Variants in ADGRB3 observed in about 807,000 individuals in gnomAD.
ADGRB3 encodes the protein adhesion G protein-coupled receptor B3.
In ADGRB3, 37 loss-of-function variants were observed where a neutral mutation model predicts 193.4. That is an observed-to-expected ratio of 0.19 (90% CI 0.15 to 0.25). The LOEUF is 0.25. ADGRB3 is among the 10% of genes least tolerant of loss of function. The probability of loss-of-function intolerance (pLI) is 1.00; values close to 1 mark genes in which losing one functional copy is unlikely to be tolerated. For synonymous variants in ADGRB3, 690 were observed against 644.2 expected (o/e 1.07, Z -1.08); for missense variants, 1,637 against 1,852.9 (o/e 0.88, Z 2.14).
At chr6:68,766,367 T>G (rs1485244247) in intron 3 of ADGRB3, among the ~76,000 whole-genome samples, 1 of 151,958 alleles carries the variant, frequency 6.6e-6, no homozygotes, top group African/African-American at 2.4e-5. Context: ...TATGAACTTT[T>G]TCAAGGACCA....
intron 3 of ADGRB3, among the ~76,000 whole-genome samples, chr6:68,659,336 A>G (rs563718921): frequency 2.7e-5 from 4 of 150,940 alleles, no homozygotes; most frequent in African/African-American, 4.8e-5. Flanking sequence ...TTCTAAAAAA[A>G]AAAGACAATT....
At chr6:69,376,582 T>A (rs1395262792) in intron 30 of ADGRB3, among the ~76,000 whole-genome samples, 2 of 151,840 alleles carry the variant, frequency 1.3e-5, no homozygotes, top group Non-Finnish European at 2.9e-5. Flanking sequence ...ACAAGGAGAT[T>A]TGGGGGATAA....
At chr6:68,915,306 T>A (rs1429159037) in intron 3 of ADGRB3, among the ~76,000 whole-genome samples, 4 of 114,622 alleles carry the variant, frequency 3.5e-5, no homozygotes, top group Non-Finnish European at 7.7e-5. Context: ...AGTTAGGCAC[T>A]TAAATAAAGT....
chr6:69,040,695 A>AAAAC (rs1771034691), intron 13 of ADGRB3, among the ~76,000 whole-genome samples: 1 of 145,900 alleles, frequency 6.9e-6, no homozygotes, highest in Non-Finnish European at 1.5e-5. Flanking sequence ...AAAAAAAAAA[A>AAAAC]AAAAAAAAAA....
chr6:69,338,707 T>C (rs1439677910), intron 24 of ADGRB3, among the ~76,000 whole-genome samples: 2 of 152,240 alleles, frequency 1.3e-5, no homozygotes, highest in African/African-American at 4.8e-5. Flanking sequence ...AAATATGTTT[T>C]GCATGCAACA....
At chr6:68,998,811 C>T (rs149826467) in intron 11 of ADGRB3, among the ~76,000 whole-genome samples, 149 of 152,280 alleles carry the variant, frequency 9.8e-4, no homozygotes, top group Non-Finnish European at 1.7e-3. Context: ...AGCTGTACCC[C>T]GAAGAGGTGG....
chr6:68,642,733 T>TG (rs1749831814), intron 3 of ADGRB3, among the ~76,000 whole-genome samples: 1 of 151,942 alleles, frequency 6.6e-6, no homozygotes, highest in African/African-American at 2.4e-5. Context: ...GAAGCCTTTT[T>TG]TTTTTTTCCA....
At chr6:68,744,995 A>C (rs1766055762) in intron 3 of ADGRB3, among the ~76,000 whole-genome samples, 2 of 152,196 alleles carry the variant, frequency 1.3e-5, no homozygotes, top group African/African-American at 2.4e-5. Flanking sequence ...ACAATAAAAA[A>C]GATGGAAAGT....
intron 3 of ADGRB3, among the ~76,000 whole-genome samples, chr6:68,850,238 T>G (rs905400474): frequency 2.0e-5 from 3 of 151,938 alleles, no homozygotes; most frequent in African/African-American, 4.8e-5. Context: ...TATCTTTTAA[T>G]TGGACATACT....
intron 20 of ADGRB3, among the ~76,000 whole-genome samples, chr6:69,268,478 C>T (rs1036369418): frequency 6.6e-6 from 1 of 152,106 alleles, no homozygotes; most frequent in Non-Finnish European, 1.5e-5. Context: ...TAAGCAATCA[C>T]CGCTTTGACA....
At chr6:68,930,489 A>C (rs1279686308) in intron 3 of ADGRB3, 70 bp from the exon 4 acceptor site, 2 of 1,034,640 alleles carry the variant, frequency 1.9e-6, no homozygotes, top group Non-Finnish European at 2.9e-6. Context: ...AACATATTGC[A>C]TGAGACAGTA....
At chr6:68,709,032 G>T (rs1765369725) in intron 3 of ADGRB3, among the ~76,000 whole-genome samples, 1 of 152,106 alleles carries the variant, frequency 6.6e-6, no homozygotes, top group African/African-American at 2.4e-5. Context: ...TGTTTAAAAT[G>T]CGGGTTGTTC....
Position 69,339,359 on chromosome 6 carries a change from T to C in ADGRB3, c.3314T>C (p.Val1105Ala), listed in dbSNP as rs1264271911. The part of the protein sequence containing the change: ...AMASLWSSCV[V>A]LPLLALTWMS... ...GCGTCTCTTTGGAGCTCCTGTGTGG[T>C]GTTGCCCCTTCTGGCTTTGACGTGG... Residue 1105 changes from valine to alanine, a missense_variant, in exon 26 of 32, where the codon GTG (valine) becomes GCG (alanine). Around this residue, in one of 7 missense-constraint regions of ADGRB3, gnomAD observed 116 missense variants for 168.1 expected, o/e 0.69. Coordinates refer to ENST00000370598, the MANE Select transcript of ADGRB3 (RefSeq NM_001704.3). 1 of 1,613,968 alleles carries C rather than the reference T, an allele frequency of 6.2e-7. No individual in the cohort carries two copies. Among genetic ancestry groups the C allele is most frequent in the Non-Finnish European group, 8.5e-7 (1 of 1,179,898 alleles).
chr6:69,339,271 G>T, intron 25 of ADGRB3, 62 bp from the exon 26 acceptor site: 1 of 1,554,568 alleles, frequency 6.4e-7, no homozygotes, highest in Non-Finnish European at 8.7e-7. Flanking sequence ...TTGAATGGGG[G>T]TTTGGCTATG....
chr6:69,121,295 A>G (rs953169486), intron 17 of ADGRB3, among the ~76,000 whole-genome samples: 1 of 152,156 alleles, frequency 6.6e-6, no homozygotes, highest in African/African-American at 2.4e-5. Context: ...TTGACACAGC[A>G]CATGTTTCAG....
intron 3 of ADGRB3, among the ~76,000 whole-genome samples, chr6:68,759,267 T>A (rs1766351095): frequency 6.6e-6 from 1 of 152,162 alleles, no homozygotes; most frequent in African/African-American, 2.4e-5. Context: ...TATTTTTCCA[T>A]ATATTTGAGG....
intron 3 of ADGRB3, among the ~76,000 whole-genome samples, chr6:68,751,764 G>T (rs1582172121): frequency 6.6e-6 from 1 of 152,062 alleles, no homozygotes. Flanking sequence ...AAAAAATCCT[G>T]TTTCATGTCT....
At chr6:68,824,204 T>A (rs1767799137) in intron 3 of ADGRB3, among the ~76,000 whole-genome samples, 1 of 138,684 alleles carries the variant, frequency 7.2e-6, no homozygotes, top group African/African-American at 2.7e-5. Context: ...TTATTCTATT[T>A]GCCATGTCTC....
In ADGRB3 at chr6:69,368,975, A is replaced by C. The variant is rs7748573; in HGVS notation, c.4240-3431A>C. On this transcript the variant is annotated intron_variant, in intron 29 of 31. Coordinates refer to ENST00000370598, the MANE Select transcript of ADGRB3 (RefSeq NM_001704.3). ...GAAGGTTTCCATTACCTACTTTGAGAAAAAGGATTATTTACGTTAGGTTAT... is the reference window on the plus strand; with the variant it reads ...GAAGGTTTCCATTACCTACTTTGAGCAAAAGGATTATTTACGTTAGGTTAT... 2.2e-3 allele frequency among the ~76,000 whole-genome samples: 328 copies of C among 152,250 alleles called. 1 individual carries two copies. Among genetic ancestry groups the C allele is most frequent in the African/African-American group, 7.5e-3 (312 of 41,570 alleles).
Sources: gnomAD v4.1 joint callset for allele counts (sites outside exome capture counted in the v4.1 genomes callset) on GRCh38, gnomAD v4.1.1 for gene constraint, gnomAD v4.1.1 regional missense constraint, MANE v1.5 for transcripts, NCBI Gene and HGNC (gene_info 2026-07-23, HGNC 2026-07-21) for gene names.